The following ASTN2 variants were observed in gnomAD, a reference collection of about 807,000 sequenced individuals.
The protein encoded by ASTN2 is astrotactin-2.
A neutral mutation model predicts 139.8 loss-of-function variants in ASTN2; 54 were observed. The ratio of observed to expected loss-of-function variants is 0.39; its 90% confidence interval spans 0.31 to 0.48. The LOEUF (loss-of-function observed/expected upper bound fraction) is 0.48, where lower values mean the gene tolerates loss of function less well. Ranked by LOEUF, ASTN2 falls within the 20% of genes least tolerant of loss-of-function variation. The probability of loss-of-function intolerance (pLI) is 0.95; values close to 1 mark genes in which losing one functional copy is unlikely to be tolerated. For synonymous variants in ASTN2, 756 were observed against 719.5 expected, an observed-to-expected ratio of 1.05 and a Z score of -0.81; for missense variants, 1,565 against 1,725.1, an observed-to-expected ratio of 0.91 and a Z score of 1.64.
In ASTN2 at chr9:116,519,695, C is replaced by T. The variant is rs541726731; in HGVS notation, c.3356-32195G>A. On this transcript the variant is annotated intron_variant, in intron 19 of 22. Coordinates refer to ENST00000313400, the MANE Select transcript of ASTN2 (RefSeq NM_001365068.1). ...TAAATGAAATTGAAACAAGAAAATACGAAAGATAAATGAAACAAAAATCTG... is the reference window on the plus strand; with the variant it reads ...TAAATGAAATTGAAACAAGAAAATATGAAAGATAAATGAAACAAAAATCTG... Among the ~76,000 whole-genome samples the T allele has an allele frequency of 7.3e-5, 11 of 151,516 alleles. No individual in the cohort carries two copies. The East Asian group carries it at 7.8e-4, about 11-fold the overall frequency.
At chr9:117,207,175 T>C (rs1009880440) in intron 3 of ASTN2, among the ~76,000 whole-genome samples, 1 of 151,098 alleles carries the variant, frequency 6.6e-6, no homozygotes, top group Non-Finnish European at 1.5e-5. Flanking sequence ...GCCTTGTACT[T>C]ATATTCCAGA....
chr9:116,784,505 T>G (rs1564265597), intron 13 of ASTN2, among the ~76,000 whole-genome samples: 1 of 152,216 alleles, frequency 6.6e-6, no homozygotes, highest in Non-Finnish European at 1.5e-5. Context: ...CAATGTCCTG[T>G]GTTGTTAGTT....
intron 1 of ASTN2, among the ~76,000 whole-genome samples, chr9:117,372,922 A>C (rs1040525074): frequency 6.6e-6 from 1 of 152,108 alleles, no homozygotes; most frequent in Non-Finnish European, 1.5e-5. Context: ...TTTCTACTTG[A>C]TTCTCGTGGT....
chr9:116,508,752 C>T (rs547537267), intron 19 of ASTN2, among the ~76,000 whole-genome samples: 15 of 152,286 alleles, frequency 9.8e-5, no homozygotes, highest in Admixed American at 5.2e-4. Context: ...CTGGAACCAG[C>T]TCCACTGACT....
chr9:117,070,715 A>G (rs1828093752), intron 5 of ASTN2, among the ~76,000 whole-genome samples: 2 of 148,276 alleles, frequency 1.3e-5, no homozygotes, highest in South Asian at 4.3e-4. Flanking sequence ...ATTTCTTTTT[A>G]TTCTTTTTTC....
At chr9:116,853,724 G>A (rs1832670633) in intron 11 of ASTN2, among the ~76,000 whole-genome samples, 1 of 152,154 alleles carries the variant, frequency 6.6e-6, no homozygotes, top group Non-Finnish European at 1.5e-5. Context: ...AAAACAGTGT[G>A]GAGCACCAGA....
chr9:116,618,080 G>C (rs1301181812), intron 19 of ASTN2, among the ~76,000 whole-genome samples: 1 of 152,098 alleles, frequency 6.6e-6, no homozygotes, highest in African/African-American at 2.4e-5. Context: ...CTAGTTCTCT[G>C]ACATAATATT....
chr9:117,078,693 A>G (rs1173033423), intron 5 of ASTN2, among the ~76,000 whole-genome samples: 1 of 152,136 alleles, frequency 6.6e-6, no homozygotes, highest in Non-Finnish European at 1.5e-5. Flanking sequence ...CCTTAAGGCA[A>G]TGATTCTCAA....
chr9:116,779,603 C>T (rs1830167043), intron 13 of ASTN2, among the ~76,000 whole-genome samples: 4 of 152,156 alleles, frequency 2.6e-5, no homozygotes, highest in African/African-American at 9.7e-5. Context: ...GGCCTATCTA[C>T]CACAAAGAAA....
intron 18 of ASTN2, 34 bp from the exon 19 acceptor site, chr9:116,618,506 C>A (rs963978720): frequency 6.3e-7 from 1 of 1,578,842 alleles, no homozygotes; most frequent in Non-Finnish European, 8.6e-7. Flanking sequence ...TCGTGTTTGG[C>A]AGCCAGCACC....
chr9:116,813,719 G>A (rs1471428671), intron 12 of ASTN2, among the ~76,000 whole-genome samples: 1 of 152,098 alleles, frequency 6.6e-6, no homozygotes, highest in African/African-American at 2.4e-5. Context: ...TTGAAAATAA[G>A]GAAGGAATCA....
At chr9:117,302,861 A>G (rs1383716649) in intron 1 of ASTN2, among the ~76,000 whole-genome samples, 1 of 152,148 alleles carries the variant, frequency 6.6e-6, no homozygotes, top group African/African-American at 2.4e-5. Context: ...TGATGAATTA[A>G]TCCCCAGGGT....
intron 21 of ASTN2, 120 bp downstream of exon 21, chr9:116,442,333 T>C: frequency 1.3e-6 from 1 of 793,990 alleles, no homozygotes; most frequent in Non-Finnish European, 2.2e-6. Flanking sequence ...CTTCAATTTC[T>C]TCTCCCTGTG....
At chr9:117,365,762 T>C (rs1829827548) in intron 1 of ASTN2, among the ~76,000 whole-genome samples, 3 of 152,204 alleles carry the variant, frequency 2.0e-5, no homozygotes, top group African/African-American at 4.8e-5. Context: ...GTTCTGATGA[T>C]GTGGCGAGGC....
intron 4 of ASTN2, among the ~76,000 whole-genome samples, chr9:117,132,294 C>T (rs560574813): frequency 4.6e-5 from 7 of 152,178 alleles, no homozygotes; most frequent in Non-Finnish European, 1.0e-4. Flanking sequence ...CCAGAACTAA[C>T]CACCTGGAGC....
intron 17 of ASTN2, among the ~76,000 whole-genome samples, chr9:116,644,320 A>G (rs1016277276): frequency 1.3e-5 from 2 of 152,228 alleles, no homozygotes; most frequent in African/African-American, 4.8e-5. Context: ...GACTCTTCCT[A>G]GAGCAGCATG....
Position 116,477,758 on chromosome 9 carries a change from C to T in ASTN2, c.3497+9601G>A, listed in dbSNP as rs544436382. On this transcript the variant is annotated intron_variant, in intron 20 of 22. Transcript: ENST00000313400. ...GAGACAGGCCAGGCACGGTGGCTCA[C>T]GCCTGTAATCCCAGTACTTTGGGAG... Among the ~76,000 whole-genome samples the T allele has an allele frequency of 2.0e-5, 3 of 150,124 alleles. No homozygotes were observed. The Admixed American group carries it at 2.0e-4, about 10-fold the overall frequency.
intron 19 of ASTN2, among the ~76,000 whole-genome samples, chr9:116,490,456 G>C (rs1330004391): frequency 1.3e-5 from 2 of 151,930 alleles, no homozygotes; most frequent in Admixed American, 1.3e-4. Context: ...ATGTCTGTCT[G>C]CTTTTCAATT....
chr9:116,837,159 G>C (rs1308149682), intron 11 of ASTN2, among the ~76,000 whole-genome samples: 2 of 152,168 alleles, frequency 1.3e-5, no homozygotes, highest in Non-Finnish European at 2.9e-5. Flanking sequence ...TCCACAAAAG[G>C]AGTCTGGGGA....
Sources: allele counts gnomAD v4.1 joint callset (sites outside exome capture counted in the v4.1 genomes callset), GRCh38; gene constraint gnomAD v4.1.1; transcripts MANE v1.5; gene names NCBI Gene and HGNC (gene_info 2026-07-23, HGNC 2026-07-21).